The following BNC2 variants were observed in gnomAD, a reference collection of about 807,000 sequenced individuals.
BNC2 encodes the protein basonuclin zinc finger protein 2.
A neutral mutation model predicts 76.3 loss-of-function variants in BNC2; 20 were observed. The observed-to-expected ratio is 0.26, with a 90% CI of 0.18 to 0.38. The LOEUF is 0.38. Ranked by LOEUF, BNC2 falls within the 10% of genes least tolerant of loss-of-function variation. BNC2 has a pLI of 1.00. For missense variants in BNC2, 1,382 were observed against 1,399.8 expected (o/e 0.99, Z 0.20); for synonymous variants, 582 against 514.8 (o/e 1.13, Z -1.77).
rs760787720 is a variant in BNC2 at position 16,437,448 on chromosome 9, A to C, written c.746T>G (p.Leu249Arg). 6.2e-7 allele frequency: 1 copy of C among 1,613,160 alleles called. No individual in the cohort carries two copies. The highest frequency in any genetic ancestry group is 1.1e-5 in the South Asian group (1 of 90,984). ...EEEIITLQQF[L>R]RFGETKSIVE... is the part of the protein sequence containing the mutation. ...AATGGATTTGGTTTCTCCAAACCGC[A>C]GAAACTGCTGAAGGGTGATGATTTC... The change falls in exon 6 of 7, where the codon CTG becomes CGG. Residue 249 changes from leucine (L) to arginine (R), a missense_variant. By Grantham distance (102) the Leu-to-Arg change is moderately radical (BLOSUM62 -2). Around this residue, in one of 3 missense-constraint regions of BNC2, gnomAD observed 557 missense variants for 540.9 expected, o/e 1.03. Transcript: ENST00000380672.
At chr9:16,585,258 T>C (rs538090567) in intron 3 of BNC2, among the ~76,000 whole-genome samples, 4 of 152,336 alleles carry the variant, frequency 2.6e-5, no homozygotes, top group African/African-American at 9.6e-5. Context: ...ATTCATTCAC[T>C]TACTCTGAAC....
At chr9:16,446,117 A>G (rs1016927827) in intron 5 of BNC2, among the ~76,000 whole-genome samples, 2 of 152,158 alleles carry the variant, frequency 1.3e-5, no homozygotes, top group African/African-American at 4.8e-5. Flanking sequence ...ACTTTAAAGG[A>G]GTTACTCATT....
intron 3 of BNC2, among the ~76,000 whole-genome samples, chr9:16,662,223 G>C (rs546458701): frequency 3.3e-5 from 5 of 152,184 alleles, no homozygotes; most frequent in Admixed American, 2.0e-4. Context: ...TAGATGATGT[G>C]ATGCTACATA....
intron 5 of BNC2, among the ~76,000 whole-genome samples, chr9:16,479,164 A>AT (rs531230733): frequency 3.6e-4 from 54 of 151,800 alleles, no homozygotes; most frequent in African/African-American, 1.3e-3. Flanking sequence ...AGGCAGGAGA[A>AT]CTGCTTGAAT....
At chr9:16,554,936 G>C (rs1246604057) in intron 4 of BNC2, among the ~76,000 whole-genome samples, 1 of 152,166 alleles carries the variant, frequency 6.6e-6, no homozygotes, top group East Asian at 1.9e-4. Flanking sequence ...ATACATGCAG[G>C]TGTGTGTGCA....
At chr9:16,604,856 T>C (rs546985068) in intron 3 of BNC2, among the ~76,000 whole-genome samples, 1 of 152,264 alleles carries the variant, frequency 6.6e-6, no homozygotes, top group East Asian at 1.9e-4. Context: ...TTATGCTATG[T>C]GAATTTTACT....
chr9:16,494,404 G>A (rs772152773), intron 5 of BNC2, among the ~76,000 whole-genome samples: 4 of 152,024 alleles, frequency 2.6e-5, no homozygotes, highest in Admixed American at 2.6e-4. Flanking sequence ...ACCTGCCTTG[G>A]CCTCCCAAAG....
intron 1 of BNC2, among the ~76,000 whole-genome samples, chr9:16,763,676 T>C (rs1486159289): frequency 5.3e-5 from 8 of 152,114 alleles, no homozygotes; most frequent in Admixed American, 4.6e-4. Flanking sequence ...GGAGAACCCA[T>C]CATTCAGGTC....
At chr9:16,838,798 T>C (rs1279234647) in intron 1 of BNC2, among the ~76,000 whole-genome samples, 3 of 152,234 alleles carry the variant, frequency 2.0e-5, no homozygotes, top group Non-Finnish European at 4.4e-5. Flanking sequence ...ATTTATAGTG[T>C]ACTTATTGTA....
chr9:16,760,493 A>T (rs1825522390), intron 1 of BNC2, among the ~76,000 whole-genome samples: 1 of 152,168 alleles, frequency 6.6e-6, no homozygotes. Context: ...AATGCCTAAA[A>T]AGGCTCCTTA....
At chr9:16,714,914 G>T (rs780980658) in intron 3 of BNC2, among the ~76,000 whole-genome samples, 3 of 152,016 alleles carry the variant, frequency 2.0e-5, no homozygotes, top group Non-Finnish European at 4.4e-5. Context: ...ATATAGACAG[G>T]CATTTTAAAC....
chr9:16,584,959 T>C (rs1160399781), intron 3 of BNC2, among the ~76,000 whole-genome samples: 1 of 152,072 alleles, frequency 6.6e-6, no homozygotes, highest in Admixed American at 6.6e-5. Flanking sequence ...AAAGCTTTCA[T>C]AAATGCTTTA....
chr9:16,418,674 G>GTGTGTGTGTGTGTATGTGCA lies in BNC2; in HGVS notation c.*314_*315insTGCACATACACACACACACA, dbSNP rs1563773755. On this transcript the variant is annotated 3_prime_UTR_variant, in exon 7 of 7. Transcript: ENST00000380672. Reference sequence around the variant, plus strand: ...GGGGCTAGTTGCACACTGTGTGTGTGTGTGTGTGTGTGTGTGTATGTGCAT... The same window carrying GTGTGTGTGTGTGTATGTGCA: ...GGGGCTAGTTGCACACTGTGTGTGTGTGTGTGTGTGTGTATGTGCATGTGTGTGTGTGTGTGTATGTGCAT... The GTGTGTGTGTGTGTATGTGCA allele has an allele frequency of 3.0e-6, 1 of 328,476 alleles. No individual in the cohort carries two copies. Among genetic ancestry groups the GTGTGTGTGTGTGTATGTGCA allele is most frequent in the African/African-American group, 2.4e-5 (1 of 41,666 alleles). The allele number at this position is 328,476 out of a possible 1,614,324, so 20.3% of individuals were successfully genotyped here. A position where few individuals can be genotyped will look rare whatever the true frequency, so the allele number is the denominator to read the frequency against.
chr9:16,458,246 G>C (rs940606529), intron 5 of BNC2, among the ~76,000 whole-genome samples: 1 of 152,150 alleles, frequency 6.6e-6, no homozygotes, highest in Non-Finnish European at 1.5e-5. Flanking sequence ...TTAGAGAGCA[G>C]CCATCAAATG....
intron 1 of BNC2, among the ~76,000 whole-genome samples, chr9:16,779,673 T>C (rs1175991491): frequency 6.6e-6 from 1 of 152,142 alleles, no homozygotes; most frequent in Non-Finnish European, 1.5e-5. Context: ...TAATAAAATA[T>C]TGATATATGG....
At position 16,427,133 on chromosome 9, in the gene BNC2, C is replaced by G. The variant is rs921501602; in HGVS notation, c.2640-7484G>C. On this transcript the variant is annotated intron_variant, in intron 6 of 6. Transcript: ENST00000380672. ...TAAAGTACTTTTACTGATTTAACAACAGTGAGCCCTTGGGATTGTCAAAGT... is the reference window on the plus strand; with the variant it reads ...TAAAGTACTTTTACTGATTTAACAAGAGTGAGCCCTTGGGATTGTCAAAGT... Among the ~76,000 whole-genome samples the G allele has an allele frequency of 2.6e-5, 4 of 152,306 alleles. No homozygotes were observed. In the South Asian group the frequency reaches 8.3e-4, roughly 32 times the overall value.
intron 1 of BNC2, among the ~76,000 whole-genome samples, chr9:16,807,240 G>A (rs1191178486): frequency 1.3e-5 from 2 of 152,094 alleles, no homozygotes. Flanking sequence ...TGACTAGAAT[G>A]AATAAGAATA....
chr9:16,675,585 AT>A (rs1174368107), intron 3 of BNC2, among the ~76,000 whole-genome samples: 1 of 152,180 alleles, frequency 6.6e-6, no homozygotes, highest in African/African-American at 2.4e-5. Flanking sequence ...AAAAGAAAAA[AT>A]TTAGAATACT....
At chr9:16,718,069 G>A (rs1313282540) in intron 3 of BNC2, among the ~76,000 whole-genome samples, 3 of 152,174 alleles carry the variant, frequency 2.0e-5, no homozygotes, top group East Asian at 3.8e-4. Context: ...TGCAGGATAT[G>A]GGATGTGCTT....
Sources: gnomAD v4.1 joint callset for allele counts (sites outside exome capture counted in the v4.1 genomes callset) on GRCh38, gnomAD v4.1.1 for gene constraint, gnomAD v4.1.1 regional missense constraint, MANE v1.5 for transcripts, NCBI Gene and HGNC (gene_info 2026-07-23, HGNC 2026-07-21) for gene names.